COL6A5: variants seen among roughly 807,000 people sequenced by gnomAD.
COL6A5 encodes collagen type VI alpha 5 chain.
COL6A5 carries 48 observed loss-of-function variants against 65.6 expected under a neutral mutation model. The observed-to-expected ratio is 0.73, with a 90% CI of 0.58 to 0.93. The LOEUF (loss-of-function observed/expected upper bound fraction) is 0.93. Among genes scored for constraint, COL6A5 ranks in the 40% least tolerant of loss-of-function variants. The pLI is 0.00. For missense variants in COL6A5, 914 were observed against 928.3 expected (o/e 0.98, Z 0.20); for synonymous variants, 291 against 322.8 (o/e 0.90, Z 1.05).
rs1345174124 is a variant in COL6A5, at chr3:130,388,755, G to T, written c.2037G>T (p.Glu679Asp). 3 of 1,551,382 alleles carry T rather than the reference G, an allele frequency of 1.9e-6. No homozygotes were observed. The East Asian group carries it at 7.3e-5, about 38-fold the overall frequency. Residue 679 changes from glutamate to aspartate, a missense_variant and NMD_transcript_variant, in exon 6 of 42, where the codon GAG becomes GAT. By Grantham distance (45) the Glu-to-Asp change is conservative. Transcript: ENST00000312481. ...AGTTCAGTGATAAAACTAAGGAAGA[G>T]TTCCAGCTTAATAGATATTTTACAC...
At chr3:130,469,377 C>G in exon 6 of COL6A5, 1 of 1,612,902 alleles carries the variant, frequency 6.2e-7, no homozygotes, top group Non-Finnish European at 8.5e-7. Context: ...GAAGAATTAG[C>G]CAGCCACCCT....
Position 130,379,810 on chromosome 3 carries a change from G to T in COL6A5, c.1060G>T (p.Val354Leu), listed in dbSNP as rs151095015. ...CACCCACAGACCATCAGATGATGAG[G>T]TGCATGATGCTGCGCTGAACCTTCG... Residue 354 changes from valine to leucine, a missense_variant and NMD_transcript_variant, in exon 4 of 42, where the codon GTG (valine) becomes TTG (leucine). By Grantham distance (32) the Val-to-Leu change is conservative. Coordinates refer to the COL6A5 transcript ENST00000312481. 7.6e-4 allele frequency: 1,174 copies of T among 1,551,394 alleles called. 2 individuals are homozygous for T. Among genetic ancestry groups the T allele is most frequent in the Middle Eastern group, 1.3e-3 (8 of 5,990 alleles).
In COL6A5 at chr3:130,475,134, C is replaced by A. The variant is rs1019740741; in HGVS notation, c.2328+4167C>A. 1.0e-4 allele frequency among the ~76,000 whole-genome samples: 15 copies of A among 150,684 alleles called. No homozygotes were observed. The East Asian group carries it at 2.5e-3, about 25-fold the overall frequency. ...AAGATTGCGAAAAAGGCGAACAGAACCTTGGAGGCTTGTTGAGTATCAGAG... is the reference window on the plus strand; with the variant it reads ...AAGATTGCGAAAAAGGCGAACAGAAACTTGGAGGCTTGTTGAGTATCAGAG... On this transcript the variant is annotated intron_variant, in intron 7 of 7. Transcript: ENST00000512836.
At chr3:130,455,083 T>C (rs1456789448) in intron 4 of COL6A5, among the ~76,000 whole-genome samples, 1 of 151,626 alleles carries the variant, frequency 6.6e-6, no homozygotes, top group African/African-American at 2.4e-5. Flanking sequence ...GAGGCTGCAG[T>C]GAGCTGTGAT....
chr3:130,406,768 A>G (rs989639215), intron 17 of COL6A5, among the ~76,000 whole-genome samples: 1 of 152,084 alleles, frequency 6.6e-6, no homozygotes, highest in African/African-American at 2.4e-5. Flanking sequence ...ATTTATTTCA[A>G]CACTCATTAG....
chr3:130,362,081 TA>T (rs1577427261), intron 1 of COL6A5, among the ~76,000 whole-genome samples: 1 of 151,848 alleles, frequency 6.6e-6, no homozygotes, highest in Non-Finnish European at 1.5e-5. Context: ...GTTCATTAAT[TA>T]TTTTTTTTCA....
intron 25 of COL6A5, among the ~76,000 whole-genome samples, chr3:130,420,005 T>A (rs1159934671): frequency 6.6e-6 from 1 of 152,112 alleles, no homozygotes; most frequent in Non-Finnish European, 1.5e-5. Context: ...ATCCATTGCC[T>A]CCATAAAGGC....
intron 10 of COL6A5, among the ~76,000 whole-genome samples, chr3:130,399,375 T>TTC (rs1936727167): frequency 6.6e-6 from 1 of 150,632 alleles, no homozygotes; most frequent in East Asian, 1.9e-4. Flanking sequence ...TCTTTCTTTT[T>TTC]TTTTTTTTTT....
intron 1 of COL6A5, among the ~76,000 whole-genome samples, chr3:130,354,379 T>G (rs1934843525): frequency 6.6e-6 from 1 of 152,132 alleles, no homozygotes; most frequent in Non-Finnish European, 1.5e-5. Context: ...CAGCAGTGAT[T>G]TAGATTGCTC....
Position 130,466,479 on chromosome 3 carries a change from G to A in COL6A5, c.1545-2316G>A, listed in dbSNP as rs141949756. Among the ~76,000 whole-genome samples the A allele has an allele frequency of 9.3e-4, 141 of 151,892 alleles. 1 individual carries two copies. Among genetic ancestry groups the A allele is most frequent in the African/African-American group, 2.7e-3 (113 of 41,472 alleles). On this transcript the variant is annotated intron_variant, in intron 5 of 7. Coordinates refer to ENST00000512836, the Ensembl canonical transcript of COL6A5. ...CAGGTTCCACTTAAGCAGTACTTAC[G>A]GGAAAATAAATAGCATTAAATGCCT...
chr3:130,443,639 T>A, intron 4 of COL6A5, 73 bp downstream of exon 36: 1 of 876,828 alleles, frequency 1.1e-6, no homozygotes, highest in Non-Finnish European at 1.9e-6. Context: ...TTAATAACAC[T>A]TTATTAGGCT....
At chr3:130,469,817 T>C (rs1481405802) in intron 6 of COL6A5, among the ~76,000 whole-genome samples, 1 of 151,996 alleles carries the variant, frequency 6.6e-6, no homozygotes, top group East Asian at 1.9e-4. Flanking sequence ...CATAACCCCA[T>C]TTTGCAAGTG....
chr3:130,365,500 A>G (rs184933115), intron 1 of COL6A5, among the ~76,000 whole-genome samples: 14 of 152,186 alleles, frequency 9.2e-5, no homozygotes, highest in Middle Eastern at 6.8e-3. Flanking sequence ...GATGGTCTCG[A>G]TCTCCTGACC....
intron 7 of COL6A5, among the ~76,000 whole-genome samples, chr3:130,480,849 C>A (rs1207341175): frequency 6.6e-6 from 1 of 151,986 alleles, no homozygotes; most frequent in African/African-American, 2.4e-5. Flanking sequence ...ATGTGAGTTA[C>A]TGAGGGAGTG....
At chr3:130,398,390 A>C (rs1936692053) in intron 10 of COL6A5, among the ~76,000 whole-genome samples, 1 of 152,156 alleles carries the variant, frequency 6.6e-6, no homozygotes, top group Admixed American at 6.5e-5. Flanking sequence ...TTGGCCTCCC[A>C]AAGTGCTGGG....
intron 7 of COL6A5, among the ~76,000 whole-genome samples, chr3:130,394,552 A>G (rs1936525749): frequency 6.6e-6 from 1 of 152,318 alleles, no homozygotes; most frequent in South Asian, 2.1e-4. Flanking sequence ...AAATGTCCCA[A>G]TCGTGGTGTT....
At chr3:130,372,152 C>G (rs549348178) in intron 1 of COL6A5, among the ~76,000 whole-genome samples, 4 of 152,068 alleles carry the variant, frequency 2.6e-5, no homozygotes, top group African/African-American at 9.6e-5. Context: ...GCTATAATAA[C>G]AAAATGGAAA....
Position 130,471,931 on chromosome 3 carries a change from T to G in COL6A5, c.2328+964T>G, listed in dbSNP as rs189499330. 1 of 1,534,232 alleles carries G rather than the reference T, an allele frequency of 6.5e-7. No homozygotes were observed. Among genetic ancestry groups the G allele is most frequent in the South Asian group, 1.2e-5 (1 of 83,938 alleles). ...ATAAACAGCAAGAAAAAGAAGGTAA[T>G]CGTGAGTACCATAGAGCTGAAGACC... On this transcript the variant is annotated intron_variant, in intron 7 of 7. Transcript: ENST00000512836.
At chr3:130,362,865 A>C (rs1935192857) in intron 1 of COL6A5, among the ~76,000 whole-genome samples, 1 of 152,160 alleles carries the variant, frequency 6.6e-6, no homozygotes, top group Admixed American at 6.5e-5. Context: ...TTTAATTAGC[A>C]TTAGCATGGT....
Sources: gnomAD v4.1 joint callset for allele counts (sites outside exome capture counted in the v4.1 genomes callset) on GRCh38, gnomAD v4.1.1 for gene constraint, MANE v1.5 for transcripts, NCBI Gene and HGNC (gene_info 2026-07-23, HGNC 2026-07-21) for gene names.